DDR1: variants seen among roughly 807,000 people sequenced by gnomAD.
DDR1 encodes the protein discoidin domain receptor tyrosine kinase 1.
A neutral mutation model predicts 97.4 loss-of-function variants in DDR1; 64 were observed. That is an observed-to-expected ratio of 0.66 (90% CI 0.54 to 0.81). The LOEUF (loss-of-function observed/expected upper bound fraction) is 0.81, where lower values mean the gene tolerates loss of function less well. DDR1 is among the 30% of genes least tolerant of loss of function. The pLI, the probability that DDR1 is intolerant of heterozygous loss-of-function variation, is 0.00. For missense variants in DDR1, 990 were observed against 1,259.6 expected, an observed-to-expected ratio of 0.79 and a Z score of 3.24; for synonymous variants, 458 against 503.7, an observed-to-expected ratio of 0.91 and a Z score of 1.21.
Position 30,889,242 on chromosome 6 carries a change from G to T in DDR1, c.229G>T (p.Gly77Trp), listed in dbSNP as rs1787062357. Residue 77 changes from glycine (G) to tryptophan (W), a missense_variant, in exon 4 of 18, where the codon GGG (glycine) becomes TGG (tryptophan). Coordinates refer to ENST00000376568, the MANE Select transcript of DDR1 (RefSeq NM_001297654.2). The surrounding 1 kb of genome is among the most constrained non-coding windows in gnomAD (Gnocchi z 4.9). ...SDGDGAWCPA[G>W]SVFPKEEEYL... is the part of the protein sequence containing the mutation. ...CGGGGATGGGGCCTGGTGCCCCGCA[G>T]GGTCGGTGTTTCCCAAGGAGGAGGA... 6.2e-7 allele frequency: 1 copy of T among 1,612,978 alleles called. No homozygotes were observed. The highest frequency in any genetic ancestry group is 1.3e-5 in the African/African-American group (1 of 74,948).
chr6:30,899,121 G>C (rs565106597), intron 17 of DDR1, 35 bp from the exon 18 acceptor site: 1 of 1,614,176 alleles, frequency 6.2e-7, no homozygotes, highest in East Asian at 2.2e-5. Context: ...AAGAATATTT[G>C]TTCCCTGACT....
Position 30,894,688 on chromosome 6 carries a change from T to A in DDR1, c.1513+17T>A. Reference sequence around the variant, plus strand: ...ATGGCTCTGGTAAGACCTGCCTTGTTCCAGTCGCACCTCTGTCCTCTCTGC... The same window carrying A: ...ATGGCTCTGGTAAGACCTGCCTTGTACCAGTCGCACCTCTGTCCTCTCTGC... On this transcript the variant is annotated intron_variant, in intron 11 of 17. Transcript: ENST00000376568. The surrounding 1 kb of genome is among the most constrained non-coding windows in gnomAD (Gnocchi z 5.7). The A allele has an allele frequency of 1.9e-6, 3 of 1,577,248 alleles. No individual in the cohort carries two copies. The South Asian group carries it at 3.5e-5, about 18-fold the overall frequency.
chr6:30,891,255 T>C lies in DDR1; in HGVS notation c.566-125T>C, dbSNP rs1279134214. The C allele has an allele frequency of 3.5e-6, 5 of 1,438,936 alleles. No individual in the cohort carries two copies. Among genetic ancestry groups the C allele is most frequent in the Non-Finnish European group, 4.8e-6 (5 of 1,047,368 alleles). The allele number at this position is 1,438,936 out of a possible 1,614,324, so 89.1% of individuals were successfully genotyped here. On this transcript the variant is annotated intron_variant, in intron 5 of 17. Transcript: ENST00000376568. This position sits in a 1 kb window ranked among gnomAD's most constrained non-coding sequence, Gnocchi z 5.3. ...CTGAGGAGGGGGCTAGCCAGCATTGTCTCCTCCATGCCAATGAGCCAGTGG... is the reference window on the plus strand; with the variant it reads ...CTGAGGAGGGGGCTAGCCAGCATTGCCTCCTCCATGCCAATGAGCCAGTGG...
In DDR1 at chr6:30,891,055, A is replaced by AC; in HGVS notation, c.505dup (p.Arg169ProfsTer3). 1.2e-6 allele frequency: 2 copies of AC among 1,612,814 alleles called. No homozygotes were observed. Among genetic ancestry groups the AC allele is most frequent in the Non-Finnish European group, 1.7e-6 (2 of 1,179,976 alleles). On this transcript the variant is annotated frameshift_variant, in exon 5 of 18. Coordinates refer to ENST00000376568, the MANE Select transcript of DDR1 (RefSeq NM_001297654.2). LOFTEE classifies it high-confidence loss of function. This position sits in a 1 kb window ranked among gnomAD's most constrained non-coding sequence, Gnocchi z 5.3. The stretch of plus-strand genomic sequence containing the variant: ...ATGGTTGCCCGACTGGTTCGCTTCT[A>AC]CCCCCGGGCTGACCGGGTCATGAGC...
chr6:30,885,625 G>A, intron 1 of DDR1: 1 of 1,355,490 alleles, frequency 7.4e-7, no homozygotes, highest in Non-Finnish European at 9.7e-7. Context: ...ATGTTCACAG[G>A]TGTCTGAAGG....
At position 30,895,568 on chromosome 6, in the gene DDR1, A is replaced by G. The variant is rs143409379; in HGVS notation, c.1624+54A>G. 1,321 of 1,178,786 alleles carry G rather than the reference A, an allele frequency of 1.1e-3. 10 individuals are homozygous for G. In the African/African-American group the frequency reaches 0.017, roughly 15 times the overall value. The allele number at this position is 1,178,786 out of a possible 1,614,324, so 73.0% of individuals were successfully genotyped here. On this transcript the variant is annotated intron_variant, in intron 12 of 17. Coordinates refer to ENST00000376568, the MANE Select transcript of DDR1 (RefSeq NM_001297654.2). ...AGGCTCCCCATACCTCTACTGGGGC[A>G]GGGAAAAGCCCTCACACCTTGCACT...
chr6:30,899,289 C>T lies in DDR1; in HGVS notation c.2735C>T (p.Thr912Met), dbSNP rs373308255. The T allele has an allele frequency of 3.2e-5, 51 of 1,607,064 alleles. No homozygotes were observed. Among genetic ancestry groups the T allele is most frequent in the Non-Finnish European group, 3.8e-5 (45 of 1,174,942 alleles). ...HRFLAEDALN[T>M]V ...TTCCTGGCAGAGGATGCACTCAACACGGTGTGAATCACACATCCAGCTGCC... is the reference window on the plus strand; with the variant it reads ...TTCCTGGCAGAGGATGCACTCAACATGGTGTGAATCACACATCCAGCTGCC... The change falls in exon 18 of 18, where the codon ACG becomes ATG. Residue 912 changes from threonine to methionine, a missense_variant. By Grantham distance (81) the Thr-to-Met change is moderately conservative (BLOSUM62 -1). Transcript: ENST00000376568.
rs779138842 is a variant in DDR1, at chr6:30,890,962, C to G, written c.418-11C>G. 6.3e-7 allele frequency: 1 copy of G among 1,580,232 alleles called. No homozygotes were observed. The highest frequency in any genetic ancestry group is 8.6e-7 in the Non-Finnish European group (1 of 1,163,428). ...CTCCATCCCACCCACCCCCTGTTTC[C>G]TGGCCCACAGGTGATCTCAGGCAAT... On this transcript the variant is annotated splice_polypyrimidine_tract_variant and intron_variant, in intron 4 of 17. Transcript: ENST00000376568. This position sits in a 1 kb window ranked among gnomAD's most constrained non-coding sequence, Gnocchi z 5.0.
chr6:30,888,519 GTGTC>G lies in DDR1; in HGVS notation c.-42-166_-42-163del. The G allele has an allele frequency of 1.4e-6, 1 of 730,658 alleles. No individual in the cohort carries two copies. Among genetic ancestry groups the G allele is most frequent in the Non-Finnish European group, 2.2e-6 (1 of 453,950 alleles). 45.3% of individuals were successfully genotyped at this position (730,658 alleles called of 1,614,324 possible). A position where few individuals can be genotyped will look rare whatever the true frequency, so the allele number is the denominator to read the frequency against. On this transcript the variant is annotated intron_variant, in intron 1 of 17. Coordinates refer to ENST00000376568, the MANE Select transcript of DDR1 (RefSeq NM_001297654.2). This position sits in a 1 kb window ranked among gnomAD's most constrained non-coding sequence, Gnocchi z 4.2. ...GGATTCTGTTTAAGGGTTTAGGCCA[GTGTC>G]TGGCACAGGGGAAGCATTCTAAAAA...
rs1338652052 is a variant in DDR1 at position 30,886,158 on chromosome 6, G to T, written c.-43+1448G>T. On this transcript the variant is annotated intron_variant, in intron 1 of 17. Transcript: ENST00000376568. This position sits in a 1 kb window ranked among gnomAD's most constrained non-coding sequence, Gnocchi z 4.6. ...TCTGAGCCTGCTCTATTTACCTCTT[G>T]CATTGTGGCTCTCGCTCTGTCTCCG... Among the ~76,000 whole-genome samples, 1 of 152,062 alleles carries T rather than the reference G, an allele frequency of 6.6e-6. No individual in the cohort carries two copies. The highest frequency in any genetic ancestry group is 6.5e-5 in the Admixed American group (1 of 15,278).
At chr6:30,885,298 C>A in intron 1 of DDR1, 2 of 1,519,392 alleles carry the variant, frequency 1.3e-6, no homozygotes, top group Admixed American at 4.0e-5. Flanking sequence ...CTTCCCAGCG[C>A]TTCCAGCAGC....
chr6:30,891,496 C>A lies in DDR1; in HGVS notation c.665+17C>A, dbSNP rs1205278618. ...CGTGGGCGGGTAAGAAAGGCCCCTG[C>A]AGGATATGGAGTTTGGGGTGGGAGG... On this transcript the variant is annotated intron_variant, in intron 6 of 17. Coordinates refer to ENST00000376568, the MANE Select transcript of DDR1 (RefSeq NM_001297654.2). This position sits in a 1 kb window ranked among gnomAD's most constrained non-coding sequence, Gnocchi z 5.3. The A allele has an allele frequency of 1.3e-6, 2 of 1,576,958 alleles. No individual in the cohort carries two copies. The highest frequency in any genetic ancestry group is 1.7e-6 in the Non-Finnish European group (2 of 1,152,660).
Position 30,891,152 on chromosome 6 carries a change from C to T in DDR1, c.565+32C>T, listed in dbSNP as rs2150329253. On this transcript the variant is annotated intron_variant, in intron 5 of 17. Transcript: ENST00000376568. The surrounding 1 kb of genome is among the most constrained non-coding windows in gnomAD (Gnocchi z 5.3). The stretch of plus-strand genomic sequence containing the variant: ...GGCTCAGCTTCCTGGGAATCTGTTT[C>T]CTGAGCAGGGGACTGGAGGGTGGGG... The T allele has an allele frequency of 6.2e-7, 1 of 1,611,806 alleles. No individual in the cohort carries two copies. The highest frequency in any genetic ancestry group is 8.5e-7 in the Non-Finnish European group (1 of 1,179,740).
chr6:30,899,262 G>A lies in DDR1; in HGVS notation c.2708G>A (p.Arg903Gln), dbSNP rs754331448. The change falls in exon 18 of 18, where the codon CGG becomes CAG. Residue 903 changes from arginine (R) to glutamine (Q), a missense_variant. Coordinates refer to ENST00000376568, the MANE Select transcript of DDR1 (RefSeq NM_001297654.2). ...CGACCACCCTTTTCCCAGCTGCATC[G>A]GTTCCTGGCAGAGGATGCACTCAAC... ...EQRPPFSQLH[R>Q]FLAEDALNTV 2.3e-5 allele frequency: 37 copies of A among 1,613,776 alleles called. No homozygotes were observed. Among genetic ancestry groups the A allele is most frequent in the Non-Finnish European group, 3.0e-5 (35 of 1,179,790 alleles).
Position 30,899,743 on chromosome 6 carries a change from G to A in DDR1, c.*447G>A. The A allele has an allele frequency of 2.9e-6, 1 of 350,116 alleles. No homozygotes were observed. The highest frequency in any genetic ancestry group is 5.3e-6 in the Non-Finnish European group (1 of 188,910). 21.7% of individuals were successfully genotyped at this position (350,116 alleles called of 1,614,324 possible). ...GACCCCACTGGCTGAGAATCTGGGG[G>A]TGAGGAGGACAAGAAGGAGAGGAAA... On this transcript the variant is annotated 3_prime_UTR_variant, in exon 18 of 18. Coordinates refer to ENST00000376568, the MANE Select transcript of DDR1 (RefSeq NM_001297654.2).
chr6:30,893,382 C>G lies in DDR1; in HGVS notation c.1306C>G (p.Leu436Val). 6.2e-7 allele frequency: 1 copy of G among 1,607,622 alleles called. No homozygotes were observed. The highest frequency in any genetic ancestry group is 1.1e-5 in the South Asian group (1 of 91,046). The stretch of plus-strand genomic sequence containing the variant: ...CCTGCTCCTGCTGCTCATCATTGCC[C>G]TCATGCTCTGGCGGCTGCACTGGCG... ...IILLLLLIIA[L>V]MLWRLHWRRL... Residue 436 changes from leucine (L) to valine (V), a missense_variant, in exon 10 of 18, where the codon CTC becomes GTC. Physicochemically the swap from Leu to Val is conservative, Grantham distance 32. Coordinates refer to ENST00000376568, the MANE Select transcript of DDR1 (RefSeq NM_001297654.2).
At chr6:30,884,503 A>AGCC (rs1293719518), upstream of DDR1, 3 of 150,670 alleles carry the variant, frequency 2.0e-5, no homozygotes, top group African/African-American at 7.4e-5. This position sits in a 1 kb window ranked among gnomAD's most constrained non-coding sequence, Gnocchi z 6.1. Context: ...CCTGGGCCCG[A>AGCC]GCCGCCCCAG....
chr6:30,893,088 C>CCGGCA lies in DDR1; in HGVS notation c.1122_1126dup (p.Leu376ArgfsTer86), dbSNP rs1789187422. On this transcript the variant is annotated frameshift_variant, in exon 9 of 18. Coordinates refer to ENST00000376568, the MANE Select transcript of DDR1 (RefSeq NM_001297654.2). LOFTEE classifies it high-confidence loss of function. ...CCCAGATGTGGTGAACAATTCCTCT[C>CCGGCA]CGGCACTGGGAGGCACCTTCCCGCC... 6.2e-7 allele frequency: 1 copy of CCGGCA among 1,612,456 alleles called. No individual in the cohort carries two copies. Among genetic ancestry groups the CCGGCA allele is most frequent in the Non-Finnish European group, 8.5e-7 (1 of 1,179,914 alleles).
Position 30,889,442 on chromosome 6 carries a change from A to G in DDR1, c.417+12A>G, listed in dbSNP as rs1280415217. On this transcript the variant is annotated intron_variant, in intron 4 of 17. Coordinates refer to ENST00000376568, the MANE Select transcript of DDR1 (RefSeq NM_001297654.2). The surrounding 1 kb of genome is among the most constrained non-coding windows in gnomAD (Gnocchi z 4.9). ...GCTGGGGTCAGGAGGTGAGACTGGC[A>G]GGGGCAGCACCCAGAGGAGGTTGGC... 3.3e-6 allele frequency: 5 copies of G among 1,505,452 alleles called. No individual in the cohort carries two copies. Among genetic ancestry groups the G allele is most frequent in the East Asian group, 2.4e-5 (1 of 41,838 alleles). The allele number at this position is 1,505,452 out of a possible 1,614,324, so 93.3% of individuals were successfully genotyped here.
Sources: gnomAD v4.1 joint callset for allele counts (sites outside exome capture counted in the v4.1 genomes callset) on GRCh38, gnomAD v4.1.1 for gene constraint, Gnocchi (gnomAD v3.1) non-coding constraint, MANE v1.5 for transcripts, NCBI Gene and HGNC (gene_info 2026-07-23, HGNC 2026-07-21) for gene names.